The following LRRC7 variants were observed in gnomAD, a reference collection of about 807,000 sequenced individuals.
The protein encoded by LRRC7 is leucine rich repeat containing 7, also known as leucine-rich repeat-containing protein 7.
In LRRC7, 23 loss-of-function variants were observed where a neutral mutation model predicts 175.7. The observed-to-expected ratio is 0.13, with a 90% CI of 0.09 to 0.19. The LOEUF is 0.19. Among genes scored for constraint, LRRC7 ranks in the 10% least tolerant of loss-of-function variants. The probability of loss-of-function intolerance (pLI) is 1.00; values close to 1 mark genes in which losing one functional copy is unlikely to be tolerated. For synonymous variants in LRRC7, 685 were observed against 680.9 expected, an observed-to-expected ratio of 1.01 and a Z score of -0.09; for missense variants, 1,354 against 1,904.7, an observed-to-expected ratio of 0.71 and a Z score of 5.38.
intron 25 of LRRC7, among the ~76,000 whole-genome samples, chr1:70,090,674 T>C (rs138204802): frequency 9.2e-4 from 140 of 152,172 alleles, no homozygotes; most frequent in African/African-American, 3.3e-3. Flanking sequence ...AACTTTAGGA[T>C]GATGAAGAAG....
At chr1:69,809,139 T>C (rs1048933492) in intron 4 of LRRC7, among the ~76,000 whole-genome samples, 4 of 152,062 alleles carry the variant, frequency 2.6e-5, no homozygotes, top group East Asian at 1.9e-4. Context: ...GAGAATACTA[T>C]AAACACCTCT....
At chr1:69,966,324 T>G (rs1651663367) in intron 8 of LRRC7, among the ~76,000 whole-genome samples, 6 of 152,188 alleles carry the variant, frequency 3.9e-5, no homozygotes, top group African/African-American at 1.4e-4. Flanking sequence ...AATAACAAGT[T>G]TTTTTAATTA....
In LRRC7 at chr1:70,082,781, A is replaced by ATCTTTTTTTTTTTTTTTTT. The variant is rs1553201466; in HGVS notation, c.4452+6484_4452+6485insCTTTTTTTTTTTTTTTTTT. On this transcript the variant is annotated intron_variant, in intron 24 of 26. Transcript: ENST00000651989. ...TATTAGTCAATCTTGATACCAGTACATTTTTTTTTTTTTTTTTTTTTTTTT... is the reference window on the plus strand; with the variant it reads ...TATTAGTCAATCTTGATACCAGTACATCTTTTTTTTTTTTTTTTTTTTTTTTTTTTTTTTTTTTTTTTTT... Among the ~76,000 whole-genome samples, 375 of 52,308 alleles carry ATCTTTTTTTTTTTTTTTTT rather than the reference A, an allele frequency of 7.2e-3. 156 individuals are homozygous for ATCTTTTTTTTTTTTTTTTT. The highest frequency in any genetic ancestry group is 0.026 in the Middle Eastern group (2 of 76). The allele number at this position is 52,308 out of a possible 152,430, so 34.3% of individuals were successfully genotyped here. A position where few individuals can be genotyped will look rare whatever the true frequency, so the allele number is the denominator to read the frequency against.
chr1:70,113,814 C>G (rs1665671320), intron 26 of LRRC7, among the ~76,000 whole-genome samples: 1 of 151,780 alleles, frequency 6.6e-6, no homozygotes, highest in Non-Finnish European at 1.5e-5. Context: ...CTGTACTAAA[C>G]AGGCTAAGAA....
intron 18 of LRRC7, among the ~76,000 whole-genome samples, 163 bp downstream of exon 18, chr1:70,028,534 T>C (rs1021850485): frequency 6.6e-6 from 1 of 152,108 alleles, no homozygotes; most frequent in Admixed American, 6.6e-5. Flanking sequence ...TAATCAGTCA[T>C]AGAAAAATGA....
At chr1:69,866,889 A>G (rs939204789) in intron 7 of LRRC7, among the ~76,000 whole-genome samples, 16 of 152,086 alleles carry the variant, frequency 1.1e-4, no homozygotes, top group African/African-American at 3.9e-4. Context: ...TTAGCAATGT[A>G]TCTATTGTTT....
rs1557640934 is a variant in LRRC7, at chr1:69,717,818, GAAA to G, written c.100+39341_100+39343del. Among the ~76,000 whole-genome samples the G allele has an allele frequency of 3.0e-3, 71 of 24,056 alleles. 7 individuals carry two copies. The highest frequency in any genetic ancestry group is 0.014 in the African/African-American group (53 of 3,822). 15.8% of individuals were successfully genotyped at this position (24,056 alleles called of 152,430 possible). ...AGAAAGAAAGAAAGAAAGAAAGAAA[GAAA>G]GAAAGAAAGAAAGAAAGAAAAAAGA... On this transcript the variant is annotated intron_variant, in intron 2 of 26. Coordinates refer to ENST00000651989, the MANE Select transcript of LRRC7 (RefSeq NM_001370785.2).
At chr1:69,732,991 C>T (rs1667742497) in intron 2 of LRRC7, among the ~76,000 whole-genome samples, 1 of 151,802 alleles carries the variant, frequency 6.6e-6, no homozygotes, top group South Asian at 2.1e-4. Flanking sequence ...AGAAGAGATT[C>T]AGTGTAAGAA....
intron 1 of LRRC7, among the ~76,000 whole-genome samples, chr1:69,645,591 T>C (rs1247527679): frequency 6.6e-6 from 1 of 152,104 alleles, no homozygotes; most frequent in African/African-American, 2.4e-5. Flanking sequence ...ACCTGGGTAA[T>C]TCTTCAGGAT....
chr1:70,129,333 G>C lies in LRRC7; in HGVS notation c.*7446G>C, dbSNP rs78413043. Among the ~76,000 whole-genome samples the C allele has an allele frequency of 0.031, 4,773 of 152,060 alleles. 165 individuals carry two copies. Among genetic ancestry groups the C allele is most frequent in the East Asian group, 0.16 (836 of 5,142 alleles). On this transcript the variant is annotated 3_prime_UTR_variant, in exon 27 of 27. Coordinates refer to ENST00000651989, the MANE Select transcript of LRRC7 (RefSeq NM_001370785.2). The stretch of plus-strand genomic sequence containing the variant: ...GGCAACATTTGATAGGCTAAACGTG[G>C]CAAGTGTGAATGCCTTGCTAGACAA...
At chr1:69,782,176 G>C (rs1673840902) in intron 3 of LRRC7, among the ~76,000 whole-genome samples, 1 of 152,022 alleles carries the variant, frequency 6.6e-6, no homozygotes, top group African/African-American at 2.4e-5. Flanking sequence ...TATGTAATAG[G>C]CACACACAAA....
chr1:69,913,218 T>C (rs996794676), intron 7 of LRRC7, among the ~76,000 whole-genome samples: 12 of 152,186 alleles, frequency 7.9e-5, no homozygotes, highest in African/African-American at 2.9e-4. Flanking sequence ...ATTAGGTCTT[T>C]CCAATATTCT....
In LRRC7 at chr1:69,853,554, G is replaced by A. The variant is rs1311624177; in HGVS notation, c.647+15271G>A. 2.6e-5 allele frequency among the ~76,000 whole-genome samples: 4 copies of A among 152,018 alleles called. No homozygotes were observed. The East Asian group carries it at 5.8e-4, about 22-fold the overall frequency. The stretch of plus-strand genomic sequence containing the variant: ...GGCCTCCCAAAGTGCTGGGATTACA[G>A]GTGTGAGCCACCGCACCCTGCCCAT... On this transcript the variant is annotated intron_variant, in intron 7 of 26. Coordinates refer to ENST00000651989, the MANE Select transcript of LRRC7 (RefSeq NM_001370785.2).
At chr1:70,066,428 C>A (rs907910896) in intron 23 of LRRC7, among the ~76,000 whole-genome samples, 1 of 151,830 alleles carries the variant, frequency 6.6e-6, no homozygotes, top group Non-Finnish European at 1.5e-5. Context: ...TTTCTATAAC[C>A]CCCTTCATTT....
intron 11 of LRRC7, among the ~76,000 whole-genome samples, chr1:69,995,425 T>C (rs142911747): frequency 8.4e-4 from 128 of 152,158 alleles, no homozygotes; most frequent in African/African-American, 3.0e-3. Flanking sequence ...TATTATACTT[T>C]AAGTTTTAGG....
At chr1:70,012,821 AT>A (rs1344462231) in intron 12 of LRRC7, among the ~76,000 whole-genome samples, 152 bp from the exon 13 acceptor site, 1 of 151,110 alleles carries the variant, frequency 6.6e-6, no homozygotes, top group Admixed American at 6.6e-5. Context: ...ATATACCTAT[AT>A]TTTAAAGAGC....
chr1:69,976,446 C>G, intron 8 of LRRC7, among the ~76,000 whole-genome samples: 1 of 152,184 alleles, frequency 6.6e-6, no homozygotes, highest in Admixed American at 6.5e-5. Context: ...TCTGCCCTCC[C>G]CAGCCCACTG....
intron 7 of LRRC7, among the ~76,000 whole-genome samples, chr1:69,921,948 G>A (rs576159113): frequency 1.3e-4 from 20 of 151,746 alleles, no homozygotes; most frequent in Non-Finnish European, 2.8e-4. Context: ...TGTTTGAGAC[G>A]AATTCTCACT....
chr1:69,695,243 T>C (rs1367676107), intron 2 of LRRC7, among the ~76,000 whole-genome samples: 1 of 152,216 alleles, frequency 6.6e-6, no homozygotes, highest in African/African-American at 2.4e-5. Flanking sequence ...CTGCATTGTG[T>C]CCATGCCCTA....
Sources: gnomAD v4.1 joint callset for allele counts (sites outside exome capture counted in the v4.1 genomes callset) on GRCh38, gnomAD v4.1.1 for gene constraint, MANE v1.5 for transcripts, NCBI Gene and HGNC (gene_info 2026-07-23, HGNC 2026-07-21) for gene names.